Variants in P2RY14 observed in about 807,000 individuals in gnomAD.
P2RY14 encodes purinergic receptor P2Y14.
A neutral mutation model predicts 0.9 loss-of-function variants in P2RY14; 2 were observed. The observed-to-expected ratio is 2.16, with a 90% confidence interval of 0.88 to 6.79. P2RY14 has a LOEUF of 6.79. Among genes scored for constraint, P2RY14 ranks in the 30% most tolerant of loss-of-function variants. The pLI is 0.05. For missense variants in P2RY14, 378 were observed against 400.1 expected (o/e 0.94, Z 0.47); for synonymous variants, 158 against 147.2 (o/e 1.07, Z -0.53).
intron 1 of P2RY14, among the ~76,000 whole-genome samples, chr3:151,272,665 G>T (rs564873819): frequency 3.6e-4 from 55 of 152,324 alleles, no homozygotes; most frequent in South Asian, 6.2e-4. Flanking sequence ...GGTTAATTAA[G>T]ATTTGGTGGG....
At chr3:151,214,749 A>G (rs1168980605) in intron 2 of P2RY14, among the ~76,000 whole-genome samples, 3 of 152,124 alleles carry the variant, frequency 2.0e-5, no homozygotes, top group African/African-American at 7.2e-5. Context: ...ATGCCCCTAA[A>G]ATAATAATGG....
chr3:151,255,828 G>A (rs559072393), intron 1 of P2RY14, among the ~76,000 whole-genome samples: 7 of 152,180 alleles, frequency 4.6e-5, no homozygotes, highest in Admixed American at 6.5e-5. Flanking sequence ...GCACTGCCTT[G>A]TATAAACCAG....
chr3:151,218,760 G>A (rs967069102), intron 2 of P2RY14, among the ~76,000 whole-genome samples: 3 of 149,610 alleles, frequency 2.0e-5, no homozygotes, highest in Non-Finnish European at 4.4e-5. Context: ...CTAGTTACTT[G>A]GGAGGCTGAG....
chr3:151,274,711 CTTATAAG>C (rs1324989015), intron 1 of P2RY14, among the ~76,000 whole-genome samples: 2 of 152,142 alleles, frequency 1.3e-5, no homozygotes, highest in African/African-American at 4.8e-5. Context: ...AAAATGTAAT[CTTATAAG>C]TTATAATATG....
At chr3:151,253,178 T>C (rs970417321) in intron 1 of P2RY14, among the ~76,000 whole-genome samples, 1 of 152,194 alleles carries the variant, frequency 6.6e-6, no homozygotes, top group African/African-American at 2.4e-5. Context: ...TGTATAGTGA[T>C]ATAAATGTCA....
intron 1 of P2RY14, among the ~76,000 whole-genome samples, chr3:151,236,992 A>G (rs1732949019): frequency 2.0e-5 from 3 of 151,952 alleles, no homozygotes; most frequent in African/African-American, 7.3e-5. Context: ...CTAGGAGTTA[A>G]ATTGCTGAGT....
chr3:151,247,625 G>C (rs28683077), intron 1 of P2RY14, among the ~76,000 whole-genome samples: 4 of 132,196 alleles, frequency 3.0e-5, no homozygotes, highest in African/African-American at 8.2e-5. Context: ...GGTCGGGGAG[G>C]GGGGAGGGAT....
chr3:151,226,940 G>C (rs1730614261), intron 1 of P2RY14, among the ~76,000 whole-genome samples: 1 of 152,216 alleles, frequency 6.6e-6, no homozygotes, highest in Non-Finnish European at 1.5e-5. Context: ...GAGAAACCCA[G>C]ATCTGCTGCA....
intron 1 of P2RY14, among the ~76,000 whole-genome samples, chr3:151,248,652 G>T (rs192641740): frequency 6.6e-6 from 1 of 151,954 alleles, no homozygotes; most frequent in African/African-American, 2.4e-5. Context: ...AGGAAATCAT[G>T]CCTTATCAAA....
intron 1 of P2RY14, among the ~76,000 whole-genome samples, chr3:151,277,759 G>C (rs981127528): frequency 1.3e-5 from 2 of 152,248 alleles, no homozygotes; most frequent in Middle Eastern, 3.4e-3. Flanking sequence ...CAATTTAAAG[G>C]CATTTTATTT....
At chr3:151,248,041 T>C (rs1324420778) in intron 1 of P2RY14, among the ~76,000 whole-genome samples, 1 of 149,286 alleles carries the variant, frequency 6.7e-6, no homozygotes, top group Non-Finnish European at 1.5e-5. Flanking sequence ...TTCTAAATTA[T>C]CTATTAGTCT....
At chr3:151,254,391 C>G (rs74465027) in intron 1 of P2RY14, among the ~76,000 whole-genome samples, 1 of 152,304 alleles carries the variant, frequency 6.6e-6, no homozygotes, top group African/African-American at 2.4e-5. Context: ...TTGCAACTCC[C>G]TAATTTCATC....
intron 1 of P2RY14, 80 bp from the exon 2 acceptor site, chr3:151,219,722 C>T (rs1214609762): frequency 6.6e-6 from 1 of 152,114 alleles, no homozygotes; most frequent in East Asian, 1.9e-4. Flanking sequence ...GTACTTACTT[C>T]TTAAATTCAG....
chr3:151,268,088 C>T (rs1453301462), intron 1 of P2RY14, among the ~76,000 whole-genome samples: 1 of 152,078 alleles, frequency 6.6e-6, no homozygotes, highest in Non-Finnish European at 1.5e-5. Flanking sequence ...CGGTGGTAGT[C>T]TTTAAACAGT....
rs948892828 is a variant in P2RY14, at chr3:151,243,712, C to T, written c.-132-24070G>A. On this transcript the variant is annotated intron_variant, in intron 1 of 2. Transcript: ENST00000309170. ...ACTAGGAAGAAACTGCATCAACTAACGAGCAAAATAACCAGCTAACATCAT... is the reference window on the plus strand; with the variant it reads ...ACTAGGAAGAAACTGCATCAACTAATGAGCAAAATAACCAGCTAACATCAT... Among the ~76,000 whole-genome samples the T allele has an allele frequency of 3.8e-3, 578 of 151,912 alleles. 4 individuals carry two copies. The highest frequency in any genetic ancestry group is 0.013 in the African/African-American group (552 of 41,454).
chr3:151,247,616 G>GA (rs1559934211), intron 1 of P2RY14, among the ~76,000 whole-genome samples: 1 of 123,844 alleles, frequency 8.1e-6, no homozygotes, highest in Non-Finnish European at 1.7e-5. Flanking sequence ...CTGTTGTGGG[G>GA]TCGGGGAGGG....
intron 1 of P2RY14, among the ~76,000 whole-genome samples, chr3:151,265,792 TG>T (rs1739713347): frequency 1.3e-5 from 2 of 152,116 alleles, no homozygotes; most frequent in Admixed American, 1.3e-4. Flanking sequence ...GGTAAGATTG[TG>T]TTTGTATAAA....
At chr3:151,274,843 A>C (rs1741583541) in intron 1 of P2RY14, among the ~76,000 whole-genome samples, 1 of 152,234 alleles carries the variant, frequency 6.6e-6, no homozygotes, top group South Asian at 2.1e-4. Context: ...CCTTTTCATC[A>C]CACCATCTCT....
At chr3:151,242,568 A>C (rs1050965833) in intron 1 of P2RY14, among the ~76,000 whole-genome samples, 9 of 152,228 alleles carry the variant, frequency 5.9e-5, no homozygotes, top group African/African-American at 2.2e-4. Flanking sequence ...TGTCTGTTAC[A>C]AGGAAAACTA....
Sources: gnomAD v4.1 joint callset for allele counts (sites outside exome capture counted in the v4.1 genomes callset) on GRCh38, gnomAD v4.1.1 for gene constraint, MANE v1.5 for transcripts, NCBI Gene and HGNC (gene_info 2026-07-23, HGNC 2026-07-21) for gene names.